The following FUOM variants were observed in gnomAD, a reference collection of about 807,000 sequenced individuals.
The protein encoded by FUOM is protein fucU homolog.
A neutral mutation model predicts 18.3 loss-of-function variants in FUOM; 19 were observed. The observed-to-expected ratio is 1.04, with a 90% CI of 0.73 to 1.53. The LOEUF (loss-of-function observed/expected upper bound fraction) is 1.53. Among genes scored for constraint, FUOM ranks in the 40% most tolerant of loss-of-function variants. FUOM has a pLI of 0.00. For missense variants in FUOM, 210 were observed against 200.9 expected, an observed-to-expected ratio of 1.04 and a Z score of -0.27; for synonymous variants, 102 against 87.9, an observed-to-expected ratio of 1.16 and a Z score of -0.90.
At chr10:133,354,350 G>C (rs115565875), downstream of FUOM, among the ~76,000 whole-genome samples, 202 of 152,318 alleles carry the variant, frequency 1.3e-3, no homozygotes, top group African/African-American at 4.8e-3. Flanking sequence ...CCCTTCCCCA[G>C]ATTTGGAGCC....
intron 3 of FUOM, 55 bp from the exon 4 acceptor site, chr10:133,356,793 G>T (rs894385382): frequency 1.7e-5 from 25 of 1,471,866 alleles, no homozygotes; most frequent in African/African-American, 1.5e-4. Context: ...TCCTGGTCAG[G>T]TGACCATTCG....
At position 133,357,161 on chromosome 10, in the gene FUOM, CCCTGGGGGA is replaced by C; in HGVS notation, c.154+17_154+25del. On this transcript the variant is annotated intron_variant, in intron 2 of 5. Coordinates refer to ENST00000278025, the MANE Select transcript of FUOM (RefSeq NM_001098483.3). ...GAGCACCGCTCACCCGCCCGCCCTG[CCCTGGGGGA>C]CCTGGGGCTCGCTCACCGTCTGCAC... The C allele has an allele frequency of 6.4e-7, 1 of 1,556,608 alleles. No homozygotes were observed. Among genetic ancestry groups the C allele is most frequent in the Non-Finnish European group, 8.7e-7 (1 of 1,150,620 alleles).
In FUOM at chr10:133,355,420, C is replaced by G. The variant is rs373850137; in HGVS notation, c.415G>C (p.Gly139Arg). Reference sequence around the variant, plus strand: ...ACCCCCTTCCTGAGGATGAGGTTTCCGTAGAGGGCCGTCTCCCTGCAGAGG... The same window carrying G: ...ACCCCCTTCCTGAGGATGAGGTTTCGGTAGAGGGCCGTCTCCCTGCAGAGG... The part of the protein sequence containing the change: ...VVATGETALY[G>R]NLILRKGVLA... The change falls in exon 6 of 6, where the codon GGA becomes CGA. Residue 139 changes from glycine (G) to arginine (R), a missense_variant. Physicochemically the swap from Gly to Arg is moderately radical, Grantham distance 125. Transcript: ENST00000278025. The G allele has an allele frequency of 6.2e-6, 10 of 1,609,612 alleles. No homozygotes were observed. The African/African-American group carries it at 8.0e-5, about 13-fold the overall frequency.
At chr10:133,353,797 C>T (rs2133410194), downstream of FUOM, among the ~76,000 whole-genome samples, 1 of 152,230 alleles carries the variant, frequency 6.6e-6, no homozygotes, top group Non-Finnish European at 1.5e-5. Flanking sequence ...CCTCCCCTGT[C>T]ATCCTGATAA....
chr10:133,357,333 T>A, intron 1 of FUOM, 78 bp from the exon 2 acceptor site: 1 of 1,398,152 alleles, frequency 7.2e-7, no homozygotes, highest in South Asian at 1.2e-5. Context: ...TCCCACCCAG[T>A]CATGGCGGCA....
chr10:133,356,458 T>C (rs1014079245), intron 4 of FUOM, among the ~76,000 whole-genome samples, 182 bp downstream of exon 4: 2 of 152,182 alleles, frequency 1.3e-5, no homozygotes, highest in African/African-American at 4.8e-5. Flanking sequence ...GGGGCCACAC[T>C]GCCCAGGTGC....
chr10:133,358,015 C>T lies in FUOM; in HGVS notation c.-8G>A. 6.7e-7 allele frequency: 1 copy of T among 1,487,788 alleles called. No individual in the cohort carries two copies. The highest frequency in any genetic ancestry group is 2.8e-5 in the East Asian group (1 of 35,244). The allele number at this position is 1,487,788 out of a possible 1,614,324, so 92.2% of individuals were successfully genotyped here. A position where few individuals can be genotyped will look rare whatever the true frequency, so the allele number is the denominator to read the frequency against. On this transcript the variant is annotated 5_prime_UTR_variant, in exon 1 of 6. Coordinates refer to ENST00000278025, the MANE Select transcript of FUOM (RefSeq NM_001098483.3). ...ACCCTTCAGCGCCACCATGGCCCGGCAGACGGGGCGGGCGGGGCCTAGGGG... is the reference window on the plus strand; with the variant it reads ...ACCCTTCAGCGCCACCATGGCCCGGTAGACGGGGCGGGCGGGGCCTAGGGG...
rs767575390 is a variant in FUOM at position 133,356,982 on chromosome 10, C to T, written c.186G>A (p.Val62=). Reference sequence around the variant, plus strand: ...AGGTGTCCAGGGGCAGCAGCTTCAGCACGGCCTCCAGGAGCTGCGGGATGC... The same window carrying T: ...AGGTGTCCAGGGGCAGCAGCTTCAGTACGGCCTCCAGGAGCTGCGGGATGC... ...GLGIPQLLEA[V]LKLLPLDTYV... Residue 62 remains valine (V), a synonymous_variant, in exon 3 of 6, where the codon GTG becomes GTA. Transcript: ENST00000278025. 6.5e-6 allele frequency: 10 copies of T among 1,550,276 alleles called. No individual in the cohort carries two copies. The Middle Eastern group carries it at 1.0e-3, about 156-fold the overall frequency.
Position 133,356,739 on chromosome 10 carries a change from C to A in FUOM, c.226-1G>T. 1.3e-6 allele frequency: 2 copies of A among 1,575,270 alleles called. No individual in the cohort carries two copies. Among genetic ancestry groups the A allele is most frequent in the African/African-American group, 1.4e-5 (1 of 73,872 alleles). The stretch of plus-strand genomic sequence containing the variant: ...TGGGCACCAGCTCCATGACTGCAGC[C>A]TAGAGGGAGGGGTCAGCTCTGGGGC... On this transcript the variant is annotated splice_acceptor_variant, in intron 3 of 5. Transcript: ENST00000278025. LOFTEE classifies it high-confidence loss of function.
intron 4 of FUOM, 32 bp from the exon 5 acceptor site, chr10:133,355,843 C>T: frequency 6.3e-7 from 1 of 1,587,246 alleles, no homozygotes. Flanking sequence ...TTGGAGGGAA[C>T]CCTGCCAAGA....
downstream of FUOM, among the ~76,000 whole-genome samples, chr10:133,354,241 C>T (rs930367253): frequency 1.3e-5 from 2 of 152,148 alleles, no homozygotes; most frequent in African/African-American, 4.8e-5. Flanking sequence ...CCCCTGGGGC[C>T]AAGGCTGACC....
Position 133,357,253 on chromosome 10 carries a change from G to A in FUOM, c.88C>T (p.Leu30Phe), listed in dbSNP as rs1848837164. The A allele has an allele frequency of 1.3e-6, 2 of 1,575,602 alleles. No homozygotes were observed. The highest frequency in any genetic ancestry group is 1.7e-6 in the Non-Finnish European group (2 of 1,161,784). ...GAGGCCGGGAAGTTCAAGTCCGCAAGAACTAAACAGCCGGGAGGACAGCCC... is the reference window on the plus strand; with the variant it reads ...GAGGCCGGGAAGTTCAAGTCCGCAAAAACTAAACAGCCGGGAGGACAGCCC... ...ARMGHGDEIV[L>F]ADLNFPASSI... The change falls in exon 2 of 6, where the codon CTT (leucine) becomes TTT (phenylalanine). Residue 30 changes from leucine (L) to phenylalanine (F), a missense_variant and splice_region_variant. By Grantham distance (22) the Leu-to-Phe change is conservative (BLOSUM62 0). Coordinates refer to ENST00000278025, the MANE Select transcript of FUOM (RefSeq NM_001098483.3).
At chr10:133,355,536 CACCCA>C in intron 5 of FUOM, 100 bp from the exon 6 acceptor site, 1 of 1,608,952 alleles carries the variant, frequency 6.2e-7, no homozygotes, top group South Asian at 1.1e-5. Context: ...TGTCCACCTT[CACCCA>C]CTTGATGCTC....
At chr10:133,357,615 G>GCCCCGGGA in intron 1 of FUOM, 1 of 485,398 alleles carries the variant, frequency 2.1e-6, no homozygotes, top group East Asian at 3.8e-5. Context: ...CCCAACCCCT[G>GCCCCGGGA]CCCCGGGACC....
downstream of FUOM, among the ~76,000 whole-genome samples, chr10:133,354,393 C>G (rs540799414): frequency 1.4e-4 from 22 of 152,308 alleles, no homozygotes; most frequent in Admixed American, 1.4e-3. Flanking sequence ...GCCTGCACCC[C>G]CAAGGTTCTC....
At chr10:133,355,994 G>T (rs1848782708) in intron 4 of FUOM, among the ~76,000 whole-genome samples, 183 bp from the exon 5 acceptor site, 1 of 152,214 alleles carries the variant, frequency 6.6e-6, no homozygotes, top group Non-Finnish European at 1.5e-5. Context: ...AGGACAGGGG[G>T]TCCCAGGACA....
At chr10:133,357,712 G>A in intron 1 of FUOM, 1 of 527,542 alleles carries the variant, frequency 1.9e-6, no homozygotes, top group South Asian at 2.4e-5. Flanking sequence ...GGGACTCCGG[G>A]AGAAGCTCGG....
In FUOM at chr10:133,355,284, G is replaced by A; in HGVS notation, c.*86C>T. ...TGGCCAGGGCCCAGGTCTGGGAGCT[G>A]CCACTGGGAGGCCTGTTGTGAGTGG... On this transcript the variant is annotated 3_prime_UTR_variant, in exon 6 of 6. Transcript: ENST00000278025. 2.1e-6 allele frequency: 3 copies of A among 1,455,204 alleles called. No individual in the cohort carries two copies. In the South Asian group the frequency reaches 3.9e-5, roughly 19 times the overall value. The allele number at this position is 1,455,204 out of a possible 1,614,324, so 90.1% of individuals were successfully genotyped here. A position where few individuals can be genotyped will look rare whatever the true frequency, so the allele number is the denominator to read the frequency against.
downstream of FUOM, among the ~76,000 whole-genome samples, chr10:133,353,159 C>T (rs1314888971): frequency 6.6e-6 from 1 of 152,182 alleles, no homozygotes; most frequent in African/African-American, 2.4e-5. Flanking sequence ...GGCTCAGGGC[C>T]CAGCTGAACG....
Sources: gnomAD v4.1 joint callset for allele counts (sites outside exome capture counted in the v4.1 genomes callset) on GRCh38, gnomAD v4.1.1 for gene constraint, MANE v1.5 for transcripts, NCBI Gene and HGNC (gene_info 2026-07-23, HGNC 2026-07-21) for gene names.